Variants in PIK3C2A observed in about 807,000 individuals in gnomAD.
The protein encoded by PIK3C2A is phosphatidylinositol-4-phosphate 3-kinase catalytic subunit type 2 alpha, also known as phosphatidylinositol 4-phosphate 3-kinase C2 domain-containing subunit alpha.
A neutral mutation model predicts 204.5 loss-of-function variants in PIK3C2A; 97 were observed. The ratio of observed to expected loss-of-function variants is 0.47; its 90% confidence interval spans 0.40 to 0.56. PIK3C2A has a LOEUF of 0.56. Ranked by LOEUF, PIK3C2A falls within the 20% of genes least tolerant of loss-of-function variation. The probability of loss-of-function intolerance (pLI) is 0.00; values close to 1 mark genes in which losing one functional copy is unlikely to be tolerated. For missense variants in PIK3C2A, 1,735 were observed against 1,969.2 expected, an observed-to-expected ratio of 0.88 and a Z score of 2.25; for synonymous variants, 653 against 664.4, an observed-to-expected ratio of 0.98 and a Z score of 0.26.
chr11:17,124,498 C>T (rs939999402), intron 13 of PIK3C2A, among the ~76,000 whole-genome samples: 1 of 151,334 alleles, frequency 6.6e-6, no homozygotes, highest in Non-Finnish European at 1.5e-5. Flanking sequence ...TTCTGTCGCC[C>T]AGGCTGAAGT....
rs777262382 is a variant in PIK3C2A at position 17,091,287 on chromosome 11, A to C, written c.4878+47T>G. Reference sequence around the variant, plus strand: ...ACGTCAGAACTTAAAAATGAAAATTAAAAAAATAATAAACCAAGGAAACTT... The same window carrying C: ...ACGTCAGAACTTAAAAATGAAAATTCAAAAAATAATAAACCAAGGAAACTT... On this transcript the variant is annotated intron_variant, in intron 32 of 32. Transcript: ENST00000691414. 3 of 1,542,928 alleles carry C rather than the reference A, an allele frequency of 1.9e-6. No homozygotes were observed. The Admixed American group carries it at 5.7e-5, about 29-fold the overall frequency.
chr11:17,171,359 T>C (rs74519025), intron 1 of PIK3C2A, among the ~76,000 whole-genome samples: 140 of 152,300 alleles, frequency 9.2e-4, no homozygotes, highest in Non-Finnish European at 1.7e-3. Flanking sequence ...TTACATTCTA[T>C]GGTCTTTCTT....
chr11:17,114,430 G>T lies in PIK3C2A; in HGVS notation c.3252C>A (p.Ser1084=). 1.3e-6 allele frequency: 2 copies of T among 1,587,570 alleles called. No individual in the cohort carries two copies. The highest frequency in any genetic ancestry group is 1.1e-5 in the South Asian group (1 of 90,480). The change falls in exon 20 of 33, where the codon TCC becomes TCA. Residue 1084 remains serine, a synonymous_variant. Transcript: ENST00000691414. ...GACGGCATTTATTTTTCTGAAAAAA[G>T]GACTGTACTCGTTCCATACTTCTTT... The part of the protein sequence containing the change: ...VLQRSMERVQ[S]FFQKNKCRLP...
At position 17,117,681 on chromosome 11, in the gene PIK3C2A, C is replaced by CA; in HGVS notation, c.3036-11dup. ...GGCATCTTTGAGAAGCCTAATACAG[C>CA]AAAATATTTATGTTAGTCACGTCTT... On this transcript the variant is annotated splice_polypyrimidine_tract_variant and intron_variant, in intron 18 of 32. Coordinates refer to ENST00000691414, the MANE Select transcript of PIK3C2A (RefSeq NM_002645.4). The CA allele has an allele frequency of 9.8e-7, 1 of 1,020,196 alleles. No homozygotes were observed. The highest frequency in any genetic ancestry group is 1.4e-6 in the Non-Finnish European group (1 of 694,820). The allele number at this position is 1,020,196 out of a possible 1,614,324, so 63.2% of individuals were successfully genotyped here. A position where few individuals can be genotyped will look rare whatever the true frequency, so the allele number is the denominator to read the frequency against.
chr11:17,190,773 T>C (rs191228943), intron 1 of PIK3C2A, among the ~76,000 whole-genome samples: 13 of 152,000 alleles, frequency 8.6e-5, no homozygotes, highest in Admixed American at 4.6e-4. Flanking sequence ...GACAGATCAA[T>C]AGAAAATATC....
chr11:17,142,846 A>G (rs1186398963), intron 8 of PIK3C2A, among the ~76,000 whole-genome samples: 1 of 152,170 alleles, frequency 6.6e-6, no homozygotes, highest in Non-Finnish European at 1.5e-5. Context: ...GAGTGGGCAT[A>G]TAAGAGAATG....
At chr11:17,134,216 T>C (rs758179725) in intron 11 of PIK3C2A, among the ~76,000 whole-genome samples, 1 of 152,192 alleles carries the variant, frequency 6.6e-6, no homozygotes, top group Non-Finnish European at 1.5e-5. Flanking sequence ...ATTTTCTTTT[T>C]ATTTTTTTGA....
chr11:17,127,233 C>T (rs61642057), intron 13 of PIK3C2A, among the ~76,000 whole-genome samples: 143 of 151,966 alleles, frequency 9.4e-4, no homozygotes, highest in African/African-American at 3.0e-3. Flanking sequence ...ATGTAGAGAA[C>T]AAAAAATCTT....
chr11:17,177,730 T>A (rs1300764635), intron 1 of PIK3C2A, among the ~76,000 whole-genome samples: 1 of 152,138 alleles, frequency 6.6e-6, no homozygotes, highest in East Asian at 1.9e-4. Flanking sequence ...TAAAAATTTG[T>A]CACAAAGACA....
At chr11:17,105,352 A>T (rs1418409836) in intron 22 of PIK3C2A, 47 bp from the exon 23 acceptor site, 2 of 1,479,106 alleles carry the variant, frequency 1.4e-6, no homozygotes, top group Non-Finnish European at 1.8e-6. Flanking sequence ...TCTCCAAAGT[A>T]AGCCTTTAAA....
chr11:17,146,902 T>G (rs1019226205), intron 6 of PIK3C2A, among the ~76,000 whole-genome samples: 2 of 152,150 alleles, frequency 1.3e-5, no homozygotes, highest in East Asian at 3.9e-4. Flanking sequence ...CTGATATTTT[T>G]CCATCCAAAA....
intron 1 of PIK3C2A, among the ~76,000 whole-genome samples, chr11:17,170,959 C>T (rs1171437747): frequency 6.6e-6 from 1 of 151,938 alleles, no homozygotes; most frequent in Non-Finnish European, 1.5e-5. Flanking sequence ...AAAAATTAGC[C>T]GGGCATGGTG....
chr11:17,150,475 G>A (rs1360910865), intron 4 of PIK3C2A, 23 bp downstream of exon 4: 1 of 1,563,724 alleles, frequency 6.4e-7, no homozygotes, highest in African/African-American at 1.4e-5. Flanking sequence ...CAAAACGAGA[G>A]GCTTGAGGAA....
Position 17,119,973 on chromosome 11 carries a change from G to C in PIK3C2A, c.2659C>G (p.Leu887Val), listed in dbSNP as rs1230626745. 1 of 1,427,012 alleles carries C rather than the reference G, an allele frequency of 7.0e-7. No individual in the cohort carries two copies. The highest frequency in any genetic ancestry group is 2.3e-5 in the East Asian group (1 of 43,038). The allele number at this position is 1,427,012 out of a possible 1,614,324, so 88.4% of individuals were successfully genotyped here. ...DILHKDSSLG[L>V]SKEDKAFLWE... ...AAAAAAGCTTTATCTTCTTTAGAAA[G>C]TCTGCATATATAATAGAATTAAATT... The change falls in exon 16 of 33, where the codon CTT (leucine) becomes GTT (valine). Residue 887 changes from leucine to valine, a missense_variant and splice_region_variant. This residue lies in a region of PIK3C2A where 567 missense variants were observed against 576.0 expected (regional missense o/e 0.98). Coordinates refer to ENST00000691414, the MANE Select transcript of PIK3C2A (RefSeq NM_002645.4).
intron 4 of PIK3C2A, among the ~76,000 whole-genome samples, chr11:17,150,074 G>A (rs1294121111): frequency 6.6e-6 from 1 of 152,094 alleles, no homozygotes; most frequent in Non-Finnish European, 1.5e-5. Context: ...CATCTCTAGA[G>A]AGGACACCCA....
intron 13 of PIK3C2A, among the ~76,000 whole-genome samples, chr11:17,123,508 T>C (rs998144909): frequency 1.3e-5 from 2 of 151,070 alleles, no homozygotes; most frequent in African/African-American, 4.9e-5. Context: ...GATCTGCCTG[T>C]CTCAGCCTCC....
intron 1 of PIK3C2A, among the ~76,000 whole-genome samples, chr11:17,184,585 T>A (rs1222135608): frequency 2.6e-5 from 4 of 152,050 alleles, no homozygotes; most frequent in Non-Finnish European, 4.4e-5. Flanking sequence ...TTAAAAAAAA[T>A]TAAAAAGTTT....
At chr11:17,157,452 T>C (rs1354503904) in intron 2 of PIK3C2A, among the ~76,000 whole-genome samples, 1 of 115,064 alleles carries the variant, frequency 8.7e-6, no homozygotes. Context: ...AAAGTGAGAC[T>C]CTGTCTCAAA....
chr11:17,174,806 G>A (rs1190835172), intron 1 of PIK3C2A, among the ~76,000 whole-genome samples: 1 of 152,028 alleles, frequency 6.6e-6, no homozygotes, highest in Non-Finnish European at 1.5e-5. Flanking sequence ...GAAGGCTGAG[G>A]CAGAAGAATC....
Sources: allele counts gnomAD v4.1 joint callset (sites outside exome capture counted in the v4.1 genomes callset), GRCh38; gene constraint gnomAD v4.1.1; regional missense constraint gnomAD v4.1.1; transcripts MANE v1.5; gene names NCBI Gene and HGNC (gene_info 2026-07-23, HGNC 2026-07-21).